The following GPCPD1 variants were observed in gnomAD, a reference collection of about 807,000 sequenced individuals.
GPCPD1 encodes glycerophosphocholine phosphodiesterase 1.
Under a neutral mutation model 89.2 loss-of-function variants are expected in GPCPD1, and 29 were observed. The observed-to-expected ratio is 0.33, with a 90% CI of 0.24 to 0.44. GPCPD1 has a LOEUF of 0.44. Among genes scored for constraint, GPCPD1 ranks in the 20% least tolerant of loss-of-function variants. The pLI is 1.00. For missense variants in GPCPD1, 594 were observed against 808.9 expected, an observed-to-expected ratio of 0.73 and a Z score of 3.22; for synonymous variants, 258 against 266.3, an observed-to-expected ratio of 0.97 and a Z score of 0.30.
chr20:5,572,172 T>C (rs1005315518), intron 11 of GPCPD1, among the ~76,000 whole-genome samples: 1 of 152,106 alleles, frequency 6.6e-6, no homozygotes, highest in African/African-American at 2.4e-5. Context: ...TGAGCTATGA[T>C]CCTGCCACTG....
intron 3 of GPCPD1, among the ~76,000 whole-genome samples, chr20:5,593,862 C>G (rs1338464796): frequency 6.6e-6 from 1 of 152,204 alleles, no homozygotes; most frequent in Non-Finnish European, 1.5e-5. Flanking sequence ...AGGGATGTTA[C>G]ATGGCTGATA....
At chr20:5,604,028 T>A (rs1295337239) in intron 2 of GPCPD1, among the ~76,000 whole-genome samples, 2 of 152,186 alleles carry the variant, frequency 1.3e-5, no homozygotes, top group African/African-American at 2.4e-5. Flanking sequence ...ATTACAGGCA[T>A]AAGCCACTGC....
At chr20:5,551,077 T>C (rs185993972) in intron 19 of GPCPD1, among the ~76,000 whole-genome samples, 1 of 152,280 alleles carries the variant, frequency 6.6e-6, no homozygotes, top group Admixed American at 6.5e-5. Context: ...GTTTCCACAT[T>C]ACCTGCAGGA....
chr20:5,578,569 A>G lies in GPCPD1; in HGVS notation c.516T>C (p.Asp172=), dbSNP rs751364214. ...TGTGGAGTACAGTGGGAGATACCCTATCATCGTCATCTTCCTCCAGGCCTT... is the reference window on the plus strand; with the variant it reads ...TGTGGAGTACAGTGGGAGATACCCTGTCATCGTCATCTTCCTCCAGGCCTT... ...TLEGLEEDDD[D]RVSPTVLHKM... Residue 172 remains aspartate, a synonymous_variant, in exon 8 of 20, where the codon GAT becomes GAC. Coordinates refer to ENST00000379019, the MANE Select transcript of GPCPD1 (RefSeq NM_019593.5). The G allele has an allele frequency of 3.5e-5, 57 of 1,613,090 alleles. No individual in the cohort carries two copies. Among genetic ancestry groups the G allele is most frequent in the Non-Finnish European group, 4.5e-5 (53 of 1,179,104 alleles).
chr20:5,604,336 T>C, intron 2 of GPCPD1, 28 bp downstream of exon 2: 1 of 1,129,860 alleles, frequency 8.9e-7, no homozygotes, highest in Non-Finnish European at 1.3e-6. Context: ...TTAATTTTAA[T>C]TGTTTTAAAG....
At chr20:5,602,220 C>A (rs1980210906) in intron 2 of GPCPD1, among the ~76,000 whole-genome samples, 1 of 152,226 alleles carries the variant, frequency 6.6e-6, no homozygotes, top group South Asian at 2.1e-4. Context: ...TCATCTATAT[C>A]CACATCCACC....
Position 5,604,381 on chromosome 20 carries a change from CT to C in GPCPD1, c.31del (p.Arg11GlufsTer64). On this transcript the variant is annotated frameshift_variant, in exon 2 of 20. Coordinates refer to ENST00000379019, the MANE Select transcript of GPCPD1 (RefSeq NM_019593.5). LOFTEE classifies it high-confidence loss of function. MTPSQVAFEI[R>X]GTLLPGEVFA... ...TACAATACCTGGTAAAAGAGTTCCT[CT>C]TATTTCAAAGGCAACCTGAGAAGGT... 6.5e-7 allele frequency: 1 copy of C among 1,536,092 alleles called. No homozygotes were observed. The highest frequency in any genetic ancestry group is 9.0e-7 in the Non-Finnish European group (1 of 1,114,030).
At chr20:5,577,148 T>TCC (rs958785553) in intron 8 of GPCPD1, among the ~76,000 whole-genome samples, 5 of 140,012 alleles carry the variant, frequency 3.6e-5, no homozygotes, top group African/African-American at 1.3e-4. Flanking sequence ...CACTGCAACC[T>TCC]CCGCCTCCCA....
At chr20:5,593,078 G>A (rs779796341) in intron 4 of GPCPD1, among the ~76,000 whole-genome samples, 1 of 152,154 alleles carries the variant, frequency 6.6e-6, no homozygotes, top group Admixed American at 6.5e-5. Flanking sequence ...CACTTACAGA[G>A]AACACATTAA....
rs564633023 is a variant in GPCPD1, at chr20:5,551,882, C to T, written c.1830-4032G>A. 1.2e-3 allele frequency among the ~76,000 whole-genome samples: 185 copies of T among 152,318 alleles called. 1 individual carries two copies. The highest frequency in any genetic ancestry group is 4.2e-3 in the African/African-American group (176 of 41,570). ...TTTGATAATTGAAAACACACTCACA[C>T]ACTCTCACCACACCTCTCTCCAATC... On this transcript the variant is annotated intron_variant, in intron 19 of 19. Transcript: ENST00000379019.
intron 11 of GPCPD1, 102 bp from the exon 12 acceptor site, chr20:5,570,341 C>A: frequency 5.1e-6 from 2 of 395,084 alleles, no homozygotes; most frequent in East Asian, 5.0e-5. Context: ...AATTACAGAC[C>A]TGTACAAACT....
intron 19 of GPCPD1, among the ~76,000 whole-genome samples, chr20:5,555,643 G>C (rs986774622): frequency 1.3e-5 from 2 of 152,214 alleles, no homozygotes; most frequent in African/African-American, 4.8e-5. Flanking sequence ...TGGATCACTT[G>C]GGGTCGGGAG....
intron 19 of GPCPD1, chr20:5,549,001 A>G: frequency 5.3e-6 from 4 of 755,194 alleles, no homozygotes; most frequent in Admixed American, 2.1e-5. Flanking sequence ...AAACTTGACA[A>G]GCAAACCTGC....
chr20:5,561,672 A>T lies in GPCPD1; in HGVS notation c.1330-142T>A, dbSNP rs146978978. The T allele has an allele frequency of 1.7e-3, 943 of 541,834 alleles. 12 individuals carry two copies. The highest frequency in any genetic ancestry group is 0.017 in the African/African-American group (888 of 52,406). 33.6% of individuals were successfully genotyped at this position (541,834 alleles called of 1,614,324 possible). On this transcript the variant is annotated intron_variant, in intron 15 of 19. Transcript: ENST00000379019. ...AATGTTTTGTGCATAATGCACAAAC[A>T]TATTTTGTCATACTCAAAGTGACAA... is the stretch of plus-strand genomic sequence containing the variant.
At chr20:5,560,183 C>G (rs1269194661) in intron 16 of GPCPD1, 107 bp from the exon 17 acceptor site, 3 of 603,466 alleles carry the variant, frequency 5.0e-6, no homozygotes, top group Non-Finnish European at 8.5e-6. Flanking sequence ...CTGACAGTAT[C>G]TAGTCCAACT....
intron 6 of GPCPD1, among the ~76,000 whole-genome samples, chr20:5,583,381 T>TAA (rs36044037): frequency 1.2e-4 from 18 of 149,948 alleles, no homozygotes; most frequent in African/African-American, 2.7e-4. Context: ...TCATCTATAC[T>TAA]AAAAAAAAAT....
At chr20:5,557,587 A>G (rs969188120) in intron 19 of GPCPD1, among the ~76,000 whole-genome samples, 1 of 151,920 alleles carries the variant, frequency 6.6e-6, no homozygotes, top group African/African-American at 2.4e-5. Flanking sequence ...GAAGGGTCTG[A>G]GTTGGAGATA....
chr20:5,579,917 CTG>C (rs1408727633), intron 7 of GPCPD1, 89 bp downstream of exon 7: 59 of 756,866 alleles, frequency 7.8e-5, no homozygotes, highest in Non-Finnish European at 1.2e-4. Flanking sequence ...TTATCCCAAA[CTG>C]TACACTTAAA....
At position 5,566,756 on chromosome 20, in the gene GPCPD1, G is replaced by T; in HGVS notation, c.1244C>A (p.Ala415Glu). The change falls in exon 14 of 20, where the codon GCA becomes GAA. Residue 415 changes from alanine to glutamate, a missense_variant. By Grantham distance (107) the Ala-to-Glu change is moderately radical. Transcript: ENST00000379019. ...LQLLKLTHVT[A>E]LKSKDRKESV... ...ACCTTTCCGATCCTTAGATTTCAGTGCAGTCACATGAGTGAGCTAGAAAGC... is the reference window on the plus strand; with the variant it reads ...ACCTTTCCGATCCTTAGATTTCAGTTCAGTCACATGAGTGAGCTAGAAAGC... 1.3e-6 allele frequency: 2 copies of T among 1,586,974 alleles called. No homozygotes were observed. Among genetic ancestry groups the T allele is most frequent in the Non-Finnish European group, 1.7e-6 (2 of 1,155,456 alleles).
Sources: gnomAD v4.1 joint callset for allele counts (sites outside exome capture counted in the v4.1 genomes callset) on GRCh38, gnomAD v4.1.1 for gene constraint, MANE v1.5 for transcripts, NCBI Gene and HGNC (gene_info 2026-07-23, HGNC 2026-07-21) for gene names.